Variants in COL10A1 observed in about 807,000 individuals in gnomAD.
The protein encoded by COL10A1 is collagen alpha-1(X) chain.
Under a neutral mutation model 18.2 loss-of-function variants are expected in COL10A1, and 10 were observed. The observed-to-expected ratio is 0.55, with a 90% CI of 0.34 to 0.93. The LOEUF (loss-of-function observed/expected upper bound fraction) is 0.93, where lower values mean the gene tolerates loss of function less well. COL10A1 is among the 40% of genes least tolerant of loss of function. The pLI is 0.02. For synonymous variants in COL10A1, 330 were observed against 316.6 expected, an observed-to-expected ratio of 1.04 and a Z score of -0.45; for missense variants, 897 against 853.5, an observed-to-expected ratio of 1.05 and a Z score of -0.64.
chr6:116,122,031 T>C lies in COL10A1; in HGVS notation c.155-70A>G. 6 of 1,307,044 alleles carry C rather than the reference T, an allele frequency of 4.6e-6. No homozygotes were observed. In the South Asian group the frequency reaches 4.7e-5, roughly 10 times the overall value. The allele number at this position is 1,307,044 out of a possible 1,614,324, so 81.0% of individuals were successfully genotyped here. A position where few individuals can be genotyped will look rare whatever the true frequency, so the allele number is the denominator to read the frequency against. On this transcript the variant is annotated intron_variant, in intron 2 of 2. Transcript: ENST00000651968. ...AGTGACATTAAAGAGAATCATTGCC[T>C]TTCAAACTATGAATTGGGACACGAT...
the COL10A1 span, among the ~76,000 whole-genome samples, chr6:116,165,061 C>T: frequency 2.3e-4 from 32 of 136,562 alleles, no homozygotes; most frequent in Middle Eastern, 4.1e-3. Context: ...TGCACCACTG[C>T]GCTTCAGTCT....
At chr6:116,135,635 T>C (rs1462919530) in intron 1 of COL10A1, among the ~76,000 whole-genome samples, 1 of 151,638 alleles carries the variant, frequency 6.6e-6, no homozygotes, top group Non-Finnish European at 1.5e-5. Context: ...TCTAGACTCA[T>C]TGGACTTTAA....
At chr6:116,198,449 G>A in the COL10A1 span, among the ~76,000 whole-genome samples, 1 of 152,040 alleles carries the variant, frequency 6.6e-6, no homozygotes. Context: ...ACTACAGGTG[G>A]CTGGGTATAG....
the COL10A1 span, among the ~76,000 whole-genome samples, chr6:116,173,448 A>G: frequency 2.6e-5 from 4 of 152,146 alleles, no homozygotes; most frequent in Non-Finnish European, 4.4e-5. Flanking sequence ...GAATCCTCCA[A>G]TGGTGTAATG....
the COL10A1 span, among the ~76,000 whole-genome samples, chr6:116,169,956 G>A: frequency 2.0e-5 from 3 of 152,238 alleles, no homozygotes; most frequent in South Asian, 2.1e-4. Flanking sequence ...AGGGGAGAGG[G>A]GTTTCCTAGA....
chr6:116,205,806 G>A, the COL10A1 span, among the ~76,000 whole-genome samples: 1 of 151,918 alleles, frequency 6.6e-6, no homozygotes, highest in Admixed American at 6.6e-5. Context: ...TGACAGTAAG[G>A]AATGTGTAAT....
upstream of COL10A1, among the ~76,000 whole-genome samples, chr6:116,130,919 T>G (rs373808937): frequency 6.6e-6 from 1 of 152,314 alleles, no homozygotes; most frequent in East Asian, 1.9e-4. Context: ...GCAATTCTTT[T>G]GGTATTTTCA....
intron 1 of COL10A1, among the ~76,000 whole-genome samples, chr6:116,147,156 T>C (rs1325136707): frequency 6.6e-6 from 1 of 151,750 alleles, no homozygotes; most frequent in Non-Finnish European, 1.5e-5. Context: ...AATGACAAAC[T>C]GGGACCAGGC....
the COL10A1 span, among the ~76,000 whole-genome samples, chr6:116,187,618 AG>A: frequency 6.6e-6 from 1 of 152,106 alleles, no homozygotes; most frequent in African/African-American, 2.4e-5. Context: ...CAGTGGGGAA[AG>A]GACTGTCATA....
upstream of COL10A1, among the ~76,000 whole-genome samples, chr6:116,161,092 C>CA (rs1266039092): frequency 3.3e-5 from 5 of 149,900 alleles, no homozygotes; most frequent in East Asian, 8.0e-4. Flanking sequence ...ATCGTAAGAA[C>CA]AAAAAACCAA....
chr6:116,186,687 A>T, the COL10A1 span, among the ~76,000 whole-genome samples: 7 of 151,738 alleles, frequency 4.6e-5, no homozygotes, highest in African/African-American at 1.2e-4. Flanking sequence ...TTTCCAGTGC[A>T]TTTTGCATTT....
the COL10A1 span, among the ~76,000 whole-genome samples, chr6:116,199,213 A>G: frequency 1.3e-5 from 2 of 152,104 alleles, no homozygotes; most frequent in South Asian, 2.1e-4. Context: ...TAGATAGACA[A>G]GAGAGTTTGT....
upstream of COL10A1, among the ~76,000 whole-genome samples, chr6:116,160,576 A>G (rs193299412): frequency 4.8e-4 from 73 of 151,694 alleles, no homozygotes; most frequent in African/African-American, 1.5e-3. Flanking sequence ...TATATTGTCT[A>G]TTTGCTGTGT....
chr6:116,153,521 T>C (rs1365456601), intron 1 of COL10A1, among the ~76,000 whole-genome samples: 2 of 152,212 alleles, frequency 1.3e-5, no homozygotes, highest in Admixed American at 6.5e-5. Flanking sequence ...AAACATTTTC[T>C]AATTTTTAAG....
At chr6:116,173,912 A>T in the COL10A1 span, among the ~76,000 whole-genome samples, 1 of 152,168 alleles carries the variant, frequency 6.6e-6, no homozygotes, top group Non-Finnish European at 1.5e-5. Flanking sequence ...CCTGTCCCAT[A>T]ATCCCATTCA....
rs73564702 is a variant in COL10A1 at position 116,134,315 on chromosome 6, A to C, written c.-15-8808T>G. Among the ~76,000 whole-genome samples the C allele has an allele frequency of 5.2e-3, 794 of 152,264 alleles. 6 individuals carry two copies. Among genetic ancestry groups the C allele is most frequent in the African/African-American group, 0.018 (749 of 41,560 alleles). ...TCCTGCTGTAGACTCATGGAGATAA[A>C]CGCCAGACACCAAAGCCTCTTATGG... On this transcript the variant is annotated intron_variant, in intron 1 of 1. Coordinates refer to the COL10A1 transcript ENST00000418500.
chr6:116,138,676 C>T (rs1221239359), intron 1 of COL10A1, among the ~76,000 whole-genome samples: 1 of 152,124 alleles, frequency 6.6e-6, no homozygotes, highest in Non-Finnish European at 1.5e-5. Flanking sequence ...CTAAAAACTT[C>T]TCAATATTTT....
chr6:116,201,102 G>GTAC, the COL10A1 span, among the ~76,000 whole-genome samples: 3 of 151,982 alleles, frequency 2.0e-5, no homozygotes, highest in Admixed American at 1.3e-4. Context: ...TGCCCAAGAG[G>GTAC]TACTGCACCT....
the COL10A1 span, among the ~76,000 whole-genome samples, chr6:116,167,556 C>T: frequency 2.6e-5 from 4 of 152,058 alleles, no homozygotes; most frequent in Non-Finnish European, 5.9e-5. Context: ...ATTTTGATAC[C>T]AGTTATTTGT....
Sources: gnomAD v4.1 joint callset for allele counts (sites outside exome capture counted in the v4.1 genomes callset) on GRCh38, gnomAD v4.1.1 for gene constraint, MANE v1.5 for transcripts, NCBI Gene and HGNC (gene_info 2026-07-23, HGNC 2026-07-21) for gene names.